AP2A2: variants seen among roughly 807,000 people sequenced by gnomAD.
The protein encoded by AP2A2 is AP-2 complex subunit alpha-2.
A neutral mutation model predicts 104.2 loss-of-function variants in AP2A2; 32 were observed. That is an observed-to-expected ratio of 0.31 (90% CI 0.23 to 0.41). The LOEUF is 0.41. Among genes scored for constraint, AP2A2 ranks in the 10% least tolerant of loss-of-function variants. The pLI is 1.00. For missense variants in AP2A2, 912 were observed against 1,261.0 expected, an observed-to-expected ratio of 0.72 and a Z score of 4.19; for synonymous variants, 539 against 533.3, an observed-to-expected ratio of 1.01 and a Z score of -0.15.
At chr11:965,610 T>A (rs1854587873) in intron 2 of AP2A2, among the ~76,000 whole-genome samples, 1 of 152,078 alleles carries the variant, frequency 6.6e-6, no homozygotes, top group Admixed American at 6.6e-5. Context: ...GTGCTTTGGG[T>A]GGTGTGGGCC....
chr11:1,010,332 C>T, intron 21 of AP2A2: 1 of 588,664 alleles, frequency 1.7e-6, no homozygotes, highest in Non-Finnish European at 3.0e-6. Context: ...CCACTTTGCA[C>T]TCCCGCCAGC....
chr11:997,600 GA>G (rs1324397389), intron 14 of AP2A2, among the ~76,000 whole-genome samples: 1 of 152,168 alleles, frequency 6.6e-6, no homozygotes, highest in Non-Finnish European at 1.5e-5. Flanking sequence ...TCCTACTTTA[GA>G]AAGCAGTTAA....
At chr11:942,904 G>A (rs886879742) in intron 1 of AP2A2, among the ~76,000 whole-genome samples, 2 of 152,244 alleles carry the variant, frequency 1.3e-5, no homozygotes, top group Non-Finnish European at 2.9e-5. Flanking sequence ...AGGTGGTAGA[G>A]AGCCAGTTGT....
intron 1 of AP2A2, among the ~76,000 whole-genome samples, chr11:936,228 T>TA (rs1853455802): frequency 6.9e-6 from 1 of 145,934 alleles, no homozygotes; most frequent in African/African-American, 2.5e-5. Flanking sequence ...TTTTTTTTTT[T>TA]TAAAGATATA....
At chr11:971,299 TG>T (rs1405428462) in intron 3 of AP2A2, among the ~76,000 whole-genome samples, 3 of 104,364 alleles carry the variant, frequency 2.9e-5, no homozygotes, top group African/African-American at 1.1e-4. Flanking sequence ...GGAAGTTAAC[TG>T]GGGGCTGAGG....
chr11:1,010,349 C>T (rs1427064796), intron 21 of AP2A2, 199 bp from the exon 22 acceptor site: 3 of 595,630 alleles, frequency 5.0e-6, no homozygotes, highest in Non-Finnish European at 6.0e-6. Context: ...CAGCTACGTA[C>T]GAGACGCCAG....
intron 15 of AP2A2, 92 bp from the exon 16 acceptor site, chr11:1,003,630 C>A: frequency 1.4e-6 from 1 of 734,656 alleles, no homozygotes; most frequent in Non-Finnish European, 2.2e-6. Context: ...GTTTTTCTGG[C>A]CTCCTCGTGC....
intron 1 of AP2A2, 48 bp downstream of exon 1, chr11:926,136 G>A: frequency 8.3e-7 from 1 of 1,207,980 alleles, no homozygotes; most frequent in East Asian, 3.4e-5. Flanking sequence ...CGCCGGCGGA[G>A]ACGGGGTCTG....
chr11:964,476 A>G (rs6597965), intron 2 of AP2A2, among the ~76,000 whole-genome samples: 90,109 of 151,882 alleles, frequency 0.59, 27,392 homozygotes, highest in Middle Eastern at 0.74. Flanking sequence ...AACAGGGCAG[A>G]AAAAGCTTGA....
At chr11:948,683 T>A (rs550983563) in intron 1 of AP2A2, among the ~76,000 whole-genome samples, 1 of 151,752 alleles carries the variant, frequency 6.6e-6, no homozygotes, top group East Asian at 2.0e-4. Context: ...TCTGGCCAAT[T>A]TGGTGAAACC....
chr11:1,000,508 C>T lies in AP2A2; in HGVS notation c.2033C>T (p.Ser678Phe), dbSNP rs1855996471. 2 of 1,540,958 alleles carry T rather than the reference C, an allele frequency of 1.3e-6. No homozygotes were observed. The highest frequency in any genetic ancestry group is 8.7e-7 in the Non-Finnish European group (1 of 1,147,992). ...GCCCCCGCGGGCCCCCCACCCTCCT[C>T]CGGCGGCAGCGGGCTGCTCGTGGAC... Reference protein sequence around the residue: ...PPAPAGPPPSSGGSGLLVDVF... With the variant: ...PPAPAGPPPSFGGSGLLVDVF... Residue 678 changes from serine (S) to phenylalanine (F), a missense_variant, in exon 15 of 22, where the codon TCC becomes TTC. Physicochemically the swap from Ser to Phe is radical, Grantham distance 155. Transcript: ENST00000448903.
At position 1,000,449 on chromosome 11, in the gene AP2A2, G is replaced by T; in HGVS notation, c.1974G>T (p.Ser658=). 6.5e-7 allele frequency: 1 copy of T among 1,543,586 alleles called. No individual in the cohort carries two copies. ...STSAVSTPSP[S]ADLLGLGAAP... ...TCTTCCAGTCTACGCCTTCTCCGTC[G>T]GCAGACCTGCTGGGTCTCGGGGCTG... The change falls in exon 15 of 22, where the codon TCG becomes TCT. Residue 658 remains serine, a synonymous_variant. Coordinates refer to ENST00000448903, the MANE Select transcript of AP2A2 (RefSeq NM_012305.4).
chr11:1,009,228 G>GT lies in AP2A2; in HGVS notation c.2537+15dup. On this transcript the variant is annotated intron_variant, in intron 19 of 21. Coordinates refer to ENST00000448903, the MANE Select transcript of AP2A2 (RefSeq NM_012305.4). ...AAGCAGTTGAGCAAGTGAGAAACCT[G>GT]TTTCCTGTAGGGGTCAGGGGTGGGG... 6.2e-7 allele frequency: 1 copy of GT among 1,612,496 alleles called. No homozygotes were observed. The highest frequency in any genetic ancestry group is 1.7e-5 in the Admixed American group (1 of 59,994).
At chr11:930,810 G>T (rs1853267953) in intron 1 of AP2A2, among the ~76,000 whole-genome samples, 1 of 152,196 alleles carries the variant, frequency 6.6e-6, no homozygotes, top group Non-Finnish European at 1.5e-5. Flanking sequence ...GTGAGCCACT[G>T]TGCCTGGTGC....
chr11:980,634 C>T (rs909559193), intron 5 of AP2A2, among the ~76,000 whole-genome samples: 1 of 152,170 alleles, frequency 6.6e-6, no homozygotes, highest in African/African-American at 2.4e-5. Flanking sequence ...CCAGGAGGAG[C>T]GGGGAGGGAG....
At chr11:980,453 CGGTG>C (rs1855197357) in intron 5 of AP2A2, among the ~76,000 whole-genome samples, 1 of 45,132 alleles carries the variant, frequency 2.2e-5, no homozygotes, top group Admixed American at 2.7e-4. Flanking sequence ...TGTCCTGGAG[CGGTG>C]ACAGGGTGCC....
At chr11:967,461 A>C (rs187872911) in intron 2 of AP2A2, among the ~76,000 whole-genome samples, 10,393 of 152,010 alleles carry the variant, frequency 0.068, 427 homozygotes, top group South Asian at 0.11. Flanking sequence ...TCCCGGGTTC[A>C]TGCCATTCTC....
chr11:954,438 G>A (rs1854162053), intron 1 of AP2A2, among the ~76,000 whole-genome samples: 1 of 151,688 alleles, frequency 6.6e-6, no homozygotes, highest in South Asian at 2.1e-4. Context: ...GTGTTTATGT[G>A]TATGTATGTA....
Position 1,009,616 on chromosome 11 carries a change from C to A in AP2A2, c.2608-67C>A, listed in dbSNP as rs28496788. Reference sequence around the variant, plus strand: ...GACCCAGCGCCAGGGTCTGGAGGGGCGGCCCCGGGGGACACGCTGCCCGCG... The same window carrying A: ...GACCCAGCGCCAGGGTCTGGAGGGGAGGCCCCGGGGGACACGCTGCCCGCG... On this transcript the variant is annotated intron_variant, in intron 20 of 21. Transcript: ENST00000448903. 6.9e-3 allele frequency: 8,151 copies of A among 1,183,120 alleles called. 383 individuals carry two copies. Among genetic ancestry groups the A allele is most frequent in the Non-Finnish European group, 8.8e-3 (7,489 of 847,768 alleles). 73.3% of individuals were successfully genotyped at this position (1,183,120 alleles called of 1,614,324 possible).
Sources: gnomAD v4.1 joint callset for allele counts (sites outside exome capture counted in the v4.1 genomes callset) on GRCh38, gnomAD v4.1.1 for gene constraint, MANE v1.5 for transcripts, NCBI Gene and HGNC (gene_info 2026-07-23, HGNC 2026-07-21) for gene names.